The following ABCB1 variants were observed in gnomAD, a reference collection of about 807,000 sequenced individuals.
The protein encoded by ABCB1 is ATP-dependent translocase ABCB1.
In ABCB1, 69 loss-of-function variants were observed where a neutral mutation model predicts 142.0. That is an observed-to-expected ratio of 0.49 (90% confidence interval 0.40 to 0.59). ABCB1 has a LOEUF of 0.59. Among genes scored for constraint, ABCB1 ranks in the 20% least tolerant of loss-of-function variants. The pLI, the probability that ABCB1 is intolerant of heterozygous loss-of-function variation, is 0.00. For missense variants in ABCB1, 1,326 were observed against 1,554.7 expected (o/e 0.85, Z 2.47); for synonymous variants, 532 against 539.2 (o/e 0.99, Z 0.18).
At chr7:87,599,994 G>C in intron 2 of ABCB1, 123 bp downstream of exon 2, 1 of 968,298 alleles carries the variant, frequency 1.0e-6, no homozygotes, top group South Asian at 1.5e-5. Flanking sequence ...CCAAAGGCTA[G>C]CTTGCGTTTC....
chr7:87,523,847 G>A (rs1815654059), intron 21 of ABCB1, among the ~76,000 whole-genome samples: 1 of 152,054 alleles, frequency 6.6e-6, no homozygotes, highest in South Asian at 2.1e-4. Flanking sequence ...TGAGGACGAT[G>A]GACTAGAGGG....
chr7:87,545,065 T>C (rs551244096), intron 15 of ABCB1, 66 bp from the exon 16 acceptor site: 4 of 1,450,270 alleles, frequency 2.8e-6, no homozygotes, highest in South Asian at 2.3e-5. Flanking sequence ...AGCTAATCAC[T>C]GAATGTCAGC....
intron 1 of ABCB1, among the ~76,000 whole-genome samples, chr7:87,678,638 A>T (rs941344662): frequency 3.3e-5 from 5 of 152,202 alleles, no homozygotes; most frequent in Non-Finnish European, 7.4e-5. Flanking sequence ...AAGCACTCCA[A>T]TTAAAAGAGA....
intron 7 of ABCB1, among the ~76,000 whole-genome samples, chr7:87,565,127 A>G (rs1183827283): frequency 6.6e-6 from 1 of 152,240 alleles, no homozygotes; most frequent in East Asian, 1.9e-4. Context: ...ATAAATGCTC[A>G]ATAAATGATA....
intron 4 of ABCB1, among the ~76,000 whole-genome samples, chr7:87,573,604 A>C (rs1400393191): frequency 6.6e-6 from 1 of 152,194 alleles, no homozygotes; most frequent in Non-Finnish European, 1.5e-5. Flanking sequence ...CAAAAGTATA[A>C]TCATAGTGCT....
intron 1 of ABCB1, among the ~76,000 whole-genome samples, chr7:87,687,248 A>G (rs1032107933): frequency 8.5e-5 from 13 of 152,076 alleles, no homozygotes; most frequent in Admixed American, 1.3e-4. Flanking sequence ...TGACTATATC[A>G]GGCACATTCT....
intron 21 of ABCB1, among the ~76,000 whole-genome samples, chr7:87,530,312 C>T (rs1350983795): frequency 6.6e-6 from 1 of 152,202 alleles, no homozygotes; most frequent in African/African-American, 2.4e-5. Flanking sequence ...TGATATCAGA[C>T]TGCATTCTGC....
Position 87,544,153 on chromosome 7 carries a change from T to G in ABCB1, c.2187A>C (p.Ala729=), listed in dbSNP as rs201496565. The change falls in exon 17 of 28, where the codon GCA becomes GCC. Residue 729 remains alanine (A), a synonymous_variant. Transcript: ENST00000622132. ...CCCCTATAATCTTTGAAAATATTAT[T>G]GCAAATGCTGGTTGCAGGCCTCCAT... ...IINGGLQPAF[A]IIFSKIIGVF... 10 of 1,614,002 alleles carry G rather than the reference T, an allele frequency of 6.2e-6. No individual in the cohort carries two copies. Among genetic ancestry groups the G allele is most frequent in the Non-Finnish European group, 5.1e-6 (6 of 1,179,940 alleles).
At chr7:87,626,670 A>G (rs1458679294) in intron 1 of ABCB1, among the ~76,000 whole-genome samples, 2 of 23,568 alleles carry the variant, frequency 8.5e-5, no homozygotes, top group Admixed American at 4.7e-4. Flanking sequence ...TGTCATATAT[A>G]TGTGTCATAT....
chr7:87,514,973 C>T (rs977732047), intron 25 of ABCB1, among the ~76,000 whole-genome samples: 2 of 152,092 alleles, frequency 1.3e-5, no homozygotes, highest in Non-Finnish European at 2.9e-5. Flanking sequence ...TCAGCTGAAA[C>T]CTAAGTACAG....
chr7:87,527,239 A>G (rs1329722064), intron 21 of ABCB1, among the ~76,000 whole-genome samples: 1 of 152,084 alleles, frequency 6.6e-6, no homozygotes, highest in Non-Finnish European at 1.5e-5. Flanking sequence ...ATTTGAATTG[A>G]CTTTGCTTTT....
intron 1 of ABCB1, among the ~76,000 whole-genome samples, chr7:87,683,510 G>T (rs1827141680): frequency 6.6e-6 from 1 of 152,146 alleles, no homozygotes; most frequent in African/African-American, 2.4e-5. Flanking sequence ...CCTAATTTCA[G>T]TATTGTTGTG....
chr7:87,550,312 A>G lies in ABCB1; in HGVS notation c.1225-16T>C. 1 of 1,614,166 alleles carries G rather than the reference A, an allele frequency of 6.2e-7. No homozygotes were observed. The highest frequency in any genetic ancestry group is 1.1e-5 in the South Asian group (1 of 91,080). ...CCTTCAAGATCTACCAGGACGAGTG[A>G]GAAAAAAACTTCAAGGCAATTCACA... On this transcript the variant is annotated splice_polypyrimidine_tract_variant and intron_variant, in intron 11 of 27. Transcript: ENST00000622132.
In ABCB1 at chr7:87,553,509, A is replaced by T. The variant is rs545467648; in HGVS notation, c.999+252T>A. 4.0e-5 allele frequency among the ~76,000 whole-genome samples: 6 copies of T among 151,794 alleles called. No individual in the cohort carries two copies. The East Asian group carries it at 1.2e-3, about 29-fold the overall frequency. ...CTAATTTTTTGTATTTTTTGTAGAG[A>T]CGGGGTTTCACCATGTTAGCCAGGA... On this transcript the variant is annotated intron_variant, in intron 9 of 27. Transcript: ENST00000622132.
rs545324765 is a variant in ABCB1, at chr7:87,589,491, A to G, written c.118-3811T>C. 3.9e-4 allele frequency among the ~76,000 whole-genome samples: 59 copies of G among 152,250 alleles called. 1 individual carries two copies. In the South Asian group the frequency reaches 0.011, roughly 28 times the overall value. On this transcript the variant is annotated intron_variant, in intron 3 of 27. Coordinates refer to ENST00000622132, the MANE Select transcript of ABCB1 (RefSeq NM_001348946.2). ...AAACTAATTGTAATAGGAGCTTTTA[A>G]AAAAGGAAATGCGCTGGGCATGATG... is the stretch of plus-strand genomic sequence containing the variant.
chr7:87,519,459 A>G lies in ABCB1; in HGVS notation c.2794T>C (p.Leu932=). 1 of 1,614,074 alleles carries G rather than the reference A, an allele frequency of 6.2e-7. No homozygotes were observed. Among genetic ancestry groups the G allele is most frequent in the South Asian group, 1.1e-5 (1 of 91,088 alleles). Residue 932 remains leucine (L), a synonymous_variant, in exon 23 of 28, where the codon TTG becomes CTG. Coordinates refer to ENST00000622132, the MANE Select transcript of ABCB1 (RefSeq NM_001348946.2). ...ATTCCAAAGATGTGTGCTTTCCTCAAAGAGTTTCTGAAAAGAAGACATTTG... is the reference window on the plus strand; with the variant it reads ...ATTCCAAAGATGTGTGCTTTCCTCAGAGAGTTTCTGAAAAGAAGACATTTG... ...QSLQVPYRNS[L]RKAHIFGITF...
chr7:87,705,878 A>G (rs536635874), intron 1 of ABCB1, among the ~76,000 whole-genome samples: 1 of 152,202 alleles, frequency 6.6e-6, no homozygotes, highest in East Asian at 1.9e-4. Flanking sequence ...GGTTTTCATG[A>G]TATTCCAACT....
intron 1 of ABCB1, among the ~76,000 whole-genome samples, chr7:87,637,545 C>G (rs1363634785): frequency 6.6e-6 from 1 of 152,092 alleles, no homozygotes; most frequent in African/African-American, 2.4e-5. Context: ...ACGTGCAACC[C>G]ATGAACATAA....
At chr7:87,666,711 A>G (rs1290816848) in intron 1 of ABCB1, among the ~76,000 whole-genome samples, 1 of 152,146 alleles carries the variant, frequency 6.6e-6, no homozygotes, top group African/African-American at 2.4e-5. Context: ...ACATATGGCT[A>G]TCCAGTTTTC....
Sources: allele counts gnomAD v4.1 joint callset (sites outside exome capture counted in the v4.1 genomes callset), GRCh38; gene constraint gnomAD v4.1.1; transcripts MANE v1.5; gene names NCBI Gene and HGNC (gene_info 2026-07-23, HGNC 2026-07-21).